The following GPR176 variants were observed in gnomAD, a reference collection of about 807,000 sequenced individuals.
The protein encoded by GPR176 is G-protein coupled receptor 176.
A neutral mutation model predicts 35.4 loss-of-function variants in GPR176; 26 were observed. The observed-to-expected ratio is 0.74, with a 90% CI of 0.54 to 1.02. The LOEUF (loss-of-function observed/expected upper bound fraction) is 1.02. Among genes scored for constraint, GPR176 ranks in the 50% least tolerant of loss-of-function variants. GPR176 has a pLI of 0.00. For missense variants in GPR176, 597 were observed against 665.3 expected (o/e 0.90, Z 1.13); for synonymous variants, 278 against 271.3 (o/e 1.02, Z -0.24).
chr15:39,914,570 A>G (rs1266027404), intron 1 of GPR176, among the ~76,000 whole-genome samples: 1 of 152,146 alleles, frequency 6.6e-6, no homozygotes, highest in East Asian at 1.9e-4. Context: ...TTGGCCTCCC[A>G]AAGTGCTGGG....
intron 1 of GPR176, among the ~76,000 whole-genome samples, chr15:39,846,519 A>C (rs1566949362): frequency 6.6e-6 from 1 of 152,236 alleles, no homozygotes; most frequent in Non-Finnish European, 1.5e-5. Context: ...TGGTATCACA[A>C]AACACCAACT....
chr15:39,816,577 T>TAAA (rs1305133513), intron 1 of GPR176, among the ~76,000 whole-genome samples: 4 of 152,158 alleles, frequency 2.6e-5, no homozygotes, highest in Admixed American at 2.6e-4. Flanking sequence ...TAAGAAAAAG[T>TAAA]AAAAATCTCA....
At chr15:39,829,675 C>T (rs1340767927) in intron 1 of GPR176, among the ~76,000 whole-genome samples, 1 of 152,108 alleles carries the variant, frequency 6.6e-6, no homozygotes, top group Non-Finnish European at 1.5e-5. Context: ...CTTTACAGTT[C>T]CAATCTGAAG....
intron 1 of GPR176, among the ~76,000 whole-genome samples, chr15:39,896,226 T>C: frequency 7.1e-6 from 1 of 141,104 alleles, no homozygotes; most frequent in East Asian, 2.0e-4. Context: ...ACCCAGCTAG[T>C]ATTTTCATTT....
chr15:39,806,985 C>T (rs1192472354), intron 2 of GPR176, 21 bp downstream of exon 2: 10 of 1,563,850 alleles, frequency 6.4e-6, no homozygotes, highest in Admixed American at 4.2e-5. Flanking sequence ...AAAAAGTTAG[C>T]TCCTGGCTAC....
chr15:39,821,514 G>A (rs1900272983), intron 1 of GPR176, among the ~76,000 whole-genome samples: 1 of 152,158 alleles, frequency 6.6e-6, no homozygotes, highest in Non-Finnish European at 1.5e-5. Context: ...CTGATCACTG[G>A]ATGATAAATA....
intron 1 of GPR176, among the ~76,000 whole-genome samples, chr15:39,831,571 C>T (rs529023735): frequency 6.6e-6 from 1 of 152,230 alleles, no homozygotes; most frequent in South Asian, 2.1e-4. Context: ...CTCAATGGCC[C>T]AAACCAGATA....
intron 1 of GPR176, among the ~76,000 whole-genome samples, chr15:39,898,807 T>C (rs1397621627): frequency 1.3e-5 from 2 of 152,138 alleles, no homozygotes; most frequent in African/African-American, 2.4e-5. Context: ...TTAAGGCTGC[T>C]CTTCCAAGAA....
At chr15:39,892,266 G>A (rs2032901474) in intron 1 of GPR176, among the ~76,000 whole-genome samples, 1 of 152,290 alleles carries the variant, frequency 6.6e-6, no homozygotes. Flanking sequence ...AAATCATCTT[G>A]TCTATCAAAG....
intron 1 of GPR176, among the ~76,000 whole-genome samples, chr15:39,881,393 C>T (rs1398094451): frequency 6.6e-6 from 1 of 152,220 alleles, no homozygotes; most frequent in African/African-American, 2.4e-5. Flanking sequence ...CTACTACCTA[C>T]TATGTCACTA....
intron 1 of GPR176, among the ~76,000 whole-genome samples, chr15:39,918,083 G>T (rs182905005): frequency 3.4e-4 from 51 of 150,668 alleles, no homozygotes; most frequent in Admixed American, 3.2e-3. Flanking sequence ...AGCTCATCAG[G>T]CACCATAGAT....
intron 1 of GPR176, among the ~76,000 whole-genome samples, chr15:39,888,129 T>C (rs545081646): frequency 1.3e-5 from 2 of 152,374 alleles, no homozygotes; most frequent in South Asian, 4.1e-4. Context: ...CTGTTCTTTG[T>C]TGAAAATGCT....
intron 1 of GPR176, among the ~76,000 whole-genome samples, chr15:39,917,587 C>A (rs1002984835): frequency 1.3e-5 from 2 of 151,878 alleles, no homozygotes; most frequent in African/African-American, 4.8e-5. Context: ...CTGCCCACCT[C>A]GGCCTCCCAA....
intron 1 of GPR176, among the ~76,000 whole-genome samples, chr15:39,900,845 A>T (rs986657309): frequency 2.6e-5 from 4 of 152,234 alleles, no homozygotes; most frequent in Non-Finnish European, 4.4e-5. Context: ...GTGAATTTTT[A>T]AAAAACTGCC....
intron 1 of GPR176, among the ~76,000 whole-genome samples, chr15:39,842,483 A>ATC (rs1156433968): frequency 6.6e-6 from 1 of 152,082 alleles, no homozygotes; most frequent in Non-Finnish European, 1.5e-5. Context: ...ACAGAGCCAA[A>ATC]ACACAGAACC....
chr15:39,889,608 T>TAAAACAAAAC (rs1555409390), intron 1 of GPR176, among the ~76,000 whole-genome samples: 6 of 136,498 alleles, frequency 4.4e-5, no homozygotes, highest in African/African-American at 8.3e-5. Context: ...TAAAATAAAA[T>TAAAACAAAAC]AAAACAAAAC....
chr15:39,863,281 C>G (rs375103700), intron 1 of GPR176, among the ~76,000 whole-genome samples: 2 of 151,246 alleles, frequency 1.3e-5, no homozygotes, highest in East Asian at 3.9e-4. Flanking sequence ...TGGGGTTTCA[C>G]CGTGTTAGCC....
chr15:39,899,135 T>TC (rs1395453463), intron 1 of GPR176, among the ~76,000 whole-genome samples: 1 of 152,168 alleles, frequency 6.6e-6, no homozygotes, highest in African/African-American at 2.4e-5. Context: ...AATCCTGGAC[T>TC]CCATCGTAGA....
intron 1 of GPR176, among the ~76,000 whole-genome samples, chr15:39,837,944 G>A (rs1406392976): frequency 6.9e-6 from 1 of 145,912 alleles, no homozygotes; most frequent in Non-Finnish European, 1.5e-5. Flanking sequence ...TTTGAGGCCA[G>A]TAGTTCAAGA....
Sources: allele counts gnomAD v4.1 joint callset (sites outside exome capture counted in the v4.1 genomes callset), GRCh38; gene constraint gnomAD v4.1.1; transcripts MANE v1.5; gene names NCBI Gene and HGNC (gene_info 2026-07-23, HGNC 2026-07-21).